Variants in ARFGEF2 observed in about 807,000 individuals in gnomAD.
The protein encoded by ARFGEF2 is brefeldin A-inhibited guanine nucleotide-exchange protein 2.
In ARFGEF2, 74 loss-of-function variants were observed where a neutral mutation model predicts 219.9. That is an observed-to-expected ratio of 0.34 (90% CI 0.28 to 0.41). ARFGEF2 has a LOEUF of 0.41. ARFGEF2 is among the 10% of genes least tolerant of loss of function. ARFGEF2 has a pLI of 1.00. For missense variants in ARFGEF2, 1,743 were observed against 2,218.3 expected, an observed-to-expected ratio of 0.79 and a Z score of 4.30; for synonymous variants, 733 against 799.2, an observed-to-expected ratio of 0.92 and a Z score of 1.40.
At chr20:48,995,726 T>C in intron 22 of ARFGEF2, 57 bp from the exon 23 acceptor site, 1 of 1,456,612 alleles carries the variant, frequency 6.9e-7, no homozygotes, top group Non-Finnish European at 9.7e-7. Flanking sequence ...CAGGATGCTT[T>C]GTTCTAAATA....
At chr20:48,946,492 TA>T (rs201012533) in intron 3 of ARFGEF2, among the ~76,000 whole-genome samples, 1,636 of 149,358 alleles carry the variant, frequency 0.011, 30 homozygotes, top group African/African-American at 0.037. Flanking sequence ...TATATATATA[TA>T]TATTTTTATT....
chr20:48,931,334 A>G (rs969925558), intron 1 of ARFGEF2, among the ~76,000 whole-genome samples: 5 of 151,958 alleles, frequency 3.3e-5, no homozygotes, highest in African/African-American at 1.2e-4. Context: ...ACAGTGTTTC[A>G]TTTTTTCAAC....
At position 49,035,758 on chromosome 20, in the gene ARFGEF2, T is replaced by A; in HGVS notation, c.*2559T>A. ...GAGAAGTTTTTATTTGTTACAATAC[T>A]GCTGCTTTGAGCAATTTTGTTTCTC... On this transcript the variant is annotated 3_prime_UTR_variant, in exon 39 of 39. Coordinates refer to ENST00000371917, the MANE Select transcript of ARFGEF2 (RefSeq NM_006420.3). 2 of 154,768 alleles carry A rather than the reference T, an allele frequency of 1.3e-5. No individual in the cohort carries two copies. Among genetic ancestry groups the A allele is most frequent in the Non-Finnish European group, 2.9e-5 (2 of 70,110 alleles). The allele number at this position is 154,768 out of a possible 1,614,324, so 9.6% of individuals were successfully genotyped here.
chr20:48,975,800 C>CAAAAAAAAAAAAAAAAAAAAAAAA (rs1057511883), intron 13 of ARFGEF2, among the ~76,000 whole-genome samples: 4 of 112,218 alleles, frequency 3.6e-5, no homozygotes, highest in Non-Finnish European at 5.1e-5. Context: ...GACTCCATCT[C>CAAAAAAAAAAAAAAAAAAAAAAAA]AAAAAAAAAA....
At chr20:48,923,644 G>GGTATT (rs2090857747) in intron 1 of ARFGEF2, among the ~76,000 whole-genome samples, 1 of 152,200 alleles carries the variant, frequency 6.6e-6, no homozygotes, top group Non-Finnish European at 1.5e-5. Flanking sequence ...GCAAGAGCCT[G>GGTATT]GTATTTATAA....
intron 6 of ARFGEF2, among the ~76,000 whole-genome samples, chr20:48,957,466 C>T (rs3795086): frequency 0.24 from 37,031 of 152,126 alleles, 5,159 homozygotes; most frequent in East Asian, 0.47. Context: ...TATTTTGCTT[C>T]GGGGCAGAGT....
chr20:48,973,746 G>A (rs966602536), intron 12 of ARFGEF2, among the ~76,000 whole-genome samples: 1 of 152,142 alleles, frequency 6.6e-6, no homozygotes, highest in African/African-American at 2.4e-5. Context: ...TGAATGAACT[G>A]GTCAGAGGGT....
chr20:49,009,319 G>A (rs1474659874), intron 26 of ARFGEF2, among the ~76,000 whole-genome samples: 1 of 152,034 alleles, frequency 6.6e-6, no homozygotes, highest in Non-Finnish European at 1.5e-5. Context: ...GTGTGAGCCT[G>A]GAAGACAAAC....
rs774210100 is a variant in ARFGEF2, at chr20:48,976,019, A to G, written c.1778A>G (p.Gln593Arg). 9.3e-6 allele frequency: 15 copies of G among 1,612,092 alleles called. 1 individual carries two copies. The South Asian group carries it at 1.2e-4, about 13-fold the overall frequency. The change falls in exon 14 of 39, where the codon CAG (glutamine) becomes CGG (arginine). Residue 593 changes from glutamine to arginine, a missense_variant. Transcript: ENST00000371917. Reference protein sequence around the residue: ...VNPNHQTSLGQERLTDQEIGD... With the variant: ...VNPNHQTSLGRERLTDQEIGD... ...CTTTACTTTTGTTTCTCCGCAGGTCAGGAGAGGCTCACGGATCAGGAAATA... is the reference window on the plus strand; with the variant it reads ...CTTTACTTTTGTTTCTCCGCAGGTCGGGAGAGGCTCACGGATCAGGAAATA...
intron 1 of ARFGEF2, among the ~76,000 whole-genome samples, chr20:48,939,243 G>A (rs982849751): frequency 6.6e-6 from 1 of 152,004 alleles, no homozygotes; most frequent in Admixed American, 6.6e-5. Flanking sequence ...AAAATGCTGG[G>A]ATTACAGGCA....
chr20:48,956,063 G>A (rs1485542502), intron 6 of ARFGEF2, among the ~76,000 whole-genome samples: 2 of 152,218 alleles, frequency 1.3e-5, no homozygotes, highest in Non-Finnish European at 2.9e-5. Context: ...GAACAAGGGA[G>A]ACACGTACCC....
At chr20:49,004,102 C>T (rs930701252) in intron 25 of ARFGEF2, among the ~76,000 whole-genome samples, 6 of 152,092 alleles carry the variant, frequency 3.9e-5, no homozygotes, top group Non-Finnish European at 8.8e-5. Context: ...TGGTGGCTTA[C>T]TCCTGTAATC....
chr20:49,019,776 C>T (rs1023683595), intron 34 of ARFGEF2, among the ~76,000 whole-genome samples: 4 of 152,172 alleles, frequency 2.6e-5, no homozygotes, highest in Admixed American at 1.3e-4. Flanking sequence ...AGCACCACTT[C>T]TGTTTTCTTC....
intron 3 of ARFGEF2, among the ~76,000 whole-genome samples, chr20:48,945,980 C>T (rs1236870491): frequency 6.6e-6 from 1 of 152,106 alleles, no homozygotes; most frequent in Non-Finnish European, 1.5e-5. Context: ...ATGAGTCATC[C>T]TTTTTATGAC....
chr20:49,029,902 A>ATT (rs3092436), intron 37 of ARFGEF2, among the ~76,000 whole-genome samples: 52 of 97,744 alleles, frequency 5.3e-4, no homozygotes, highest in East Asian at 8.9e-4. Flanking sequence ...CTAAAAGTGA[A>ATT]TTTTTTTTTT....
At chr20:49,004,738 G>A (rs2091447433) in intron 25 of ARFGEF2, among the ~76,000 whole-genome samples, 1 of 151,192 alleles carries the variant, frequency 6.6e-6, no homozygotes, top group Non-Finnish European at 1.5e-5. Flanking sequence ...GTTGCAGTGA[G>A]CCGAGATCAC....
At chr20:48,985,637 T>G (rs1310553637) in intron 16 of ARFGEF2, 24 bp downstream of exon 16, 3 of 1,611,532 alleles carry the variant, frequency 1.9e-6, no homozygotes, top group Non-Finnish European at 2.5e-6. Flanking sequence ...TTGAGTCCCT[T>G]CCAGATCATC....
At chr20:48,938,980 G>GTTTTTTTTTTTTT (rs1381256978) in intron 1 of ARFGEF2, among the ~76,000 whole-genome samples, 1 of 133,550 alleles carries the variant, frequency 7.5e-6, no homozygotes, top group Non-Finnish European at 1.6e-5. Context: ...TTTTTTGTTT[G>GTTTTTTTTTTTTT]TTTTTTTTTT....
chr20:48,942,914 A>G (rs1390950100), intron 3 of ARFGEF2, among the ~76,000 whole-genome samples: 6 of 152,170 alleles, frequency 3.9e-5, no homozygotes, highest in Admixed American at 3.3e-4. Context: ...ACTATCTAAT[A>G]TCTATTGTTG....
Sources: allele counts gnomAD v4.1 joint callset (sites outside exome capture counted in the v4.1 genomes callset), GRCh38; gene constraint gnomAD v4.1.1; transcripts MANE v1.5; gene names NCBI Gene and HGNC (gene_info 2026-07-23, HGNC 2026-07-21).